Variants in ZNF718 observed in about 807,000 individuals in gnomAD.
ZNF718 encodes zinc finger protein 718.
In ZNF718, 3 loss-of-function variants were observed where a neutral mutation model predicts 2.6. The observed-to-expected ratio is 1.16, with a 90% CI of 0.53 to 3.01. The LOEUF (loss-of-function observed/expected upper bound fraction) is 3.01, where lower values mean the gene tolerates loss of function less well. ZNF718 is among the 30% of genes most tolerant of loss of function. The pLI is 0.03. For synonymous variants in ZNF718, 135 were observed against 77.9 expected (o/e 1.73, Z -3.86); for missense variants, 468 against 230.0 (o/e 2.03, Z -6.69).
At chr4:193,469 T>C (rs992044832) in intron 3 of ZNF718, among the ~76,000 whole-genome samples, 1 of 152,162 alleles carries the variant, frequency 6.6e-6, no homozygotes, top group African/African-American at 2.4e-5. Flanking sequence ...CTTCTCCTAA[T>C]TCTAGTGTAT....
chr4:181,158 C>CTTTTTT lies in ZNF718; in HGVS notation c.227-19901_227-19896dup, dbSNP rs782164295. 2.2e-4 allele frequency among the ~76,000 whole-genome samples: 11 copies of CTTTTTT among 51,086 alleles called. 1 individual carries two copies. Among genetic ancestry groups the CTTTTTT allele is most frequent in the East Asian group, 4.8e-4 (1 of 2,070 alleles). 33.5% of individuals were successfully genotyped at this position (51,086 alleles called of 152,430 possible). A position where few individuals can be genotyped will look rare whatever the true frequency, so the allele number is the denominator to read the frequency against. On this transcript the variant is annotated intron_variant and NMD_transcript_variant, in intron 3 of 4. Coordinates refer to the ZNF718 transcript ENST00000642529. ...TACAGGCCTGTGCCCCAGTGCCCAG[C>CTTTTTT]TTTTTTTTTTTTTTTTTTTTTTTTT...
chr4:163,977 T>C lies in ZNF718; in HGVS notation c.*1855T>C, dbSNP rs868908661. On this transcript the variant is annotated 3_prime_UTR_variant, in exon 4 of 4. Transcript: ENST00000510175. ...TAATCACATCAGAGTAAATGAGTTA[T>C]TCATCACCTCAAGCATTTATCCTTT... The C allele has an allele frequency of 6.6e-6, 1 of 152,120 alleles. No homozygotes were observed. Among genetic ancestry groups the C allele is most frequent in the Non-Finnish European group, 1.5e-5 (1 of 67,976 alleles). The allele number at this position is 152,120 out of a possible 1,614,324, so 9.4% of individuals were successfully genotyped here.
At chr4:154,134 C>G (rs1258487925) in intron 3 of ZNF718, among the ~76,000 whole-genome samples, 2 of 152,194 alleles carry the variant, frequency 1.3e-5, no homozygotes, top group Non-Finnish European at 2.9e-5. Flanking sequence ...TGTCTTGCCT[C>G]CTGCCATATA....
rs1716926723 is a variant in ZNF718 at position 162,270 on chromosome 4, G to A, written c.*148G>A. On this transcript the variant is annotated 3_prime_UTR_variant, in exon 4 of 4. Transcript: ENST00000510175. ...TAAACATAAGAGAAATGGTATTGGT[G>A]AGAAGCCATAAAAATATGAAAAATG... 1 of 502,916 alleles carries A rather than the reference G, an allele frequency of 2.0e-6. No homozygotes were observed. Among genetic ancestry groups the A allele is most frequent in the South Asian group, 4.4e-5 (1 of 22,884 alleles). 31.2% of individuals were successfully genotyped at this position (502,916 alleles called of 1,614,324 possible).
At chr4:189,056 A>ATTTTTTTTTTTTTTTTTTTTTTTGT (rs200846758) in intron 3 of ZNF718, among the ~76,000 whole-genome samples, 1 of 138,994 alleles carries the variant, frequency 7.2e-6, no homozygotes. Flanking sequence ...GAATCTGTAG[A>ATTTTTTTTTTTTTTTTTTTTTTTGT]TTATTTTTTT....
chr4:196,782 C>T (rs1717800330), intron 3 of ZNF718, among the ~76,000 whole-genome samples: 1 of 151,976 alleles, frequency 6.6e-6, no homozygotes. Flanking sequence ...GTTAGAAAGC[C>T]CTTCCCAGGA....
chr4:183,947 T>C (rs1281404752), intron 3 of ZNF718, among the ~76,000 whole-genome samples: 1 of 152,198 alleles, frequency 6.6e-6, no homozygotes, highest in Non-Finnish European at 1.5e-5. Context: ...GATCATGTCA[T>C]CTGCAGAGAA....
intron 3 of ZNF718, among the ~76,000 whole-genome samples, chr4:182,787 A>G (rs1717493884): frequency 6.6e-6 from 1 of 152,092 alleles, no homozygotes. Flanking sequence ...TTGGTTGGCC[A>G]CATGTATGTC....
intron 3 of ZNF718, among the ~76,000 whole-genome samples, chr4:146,745 CTT>C (rs1716083118): frequency 6.6e-6 from 1 of 150,886 alleles, no homozygotes; most frequent in African/African-American, 2.4e-5. Context: ...TAATTAGAAA[CTT>C]TCAAATGACT....
rs1030669896 is a variant in ZNF718 at position 163,877 on chromosome 4, A to G, written c.*1755A>G. The G allele has an allele frequency of 2.6e-5, 4 of 151,896 alleles. No individual in the cohort carries two copies. The highest frequency in any genetic ancestry group is 4.4e-5 in the Non-Finnish European group (3 of 67,952). 9.4% of individuals were successfully genotyped at this position (151,896 alleles called of 1,614,324 possible). A position where few individuals can be genotyped will look rare whatever the true frequency, so the allele number is the denominator to read the frequency against. ...TTTTTATATTTAAATTTATTTTTAA[A>G]AATTTATGTGGGTACATGGTATGTG... On this transcript the variant is annotated 3_prime_UTR_variant, in exon 4 of 4. Coordinates refer to ENST00000510175, the MANE Select transcript of ZNF718 (RefSeq NM_001039127.6).
chr4:149,247 G>T (rs1297738023), intron 3 of ZNF718, among the ~76,000 whole-genome samples: 13 of 152,192 alleles, frequency 8.5e-5, no homozygotes, highest in African/African-American at 3.1e-4. Context: ...TATTGACATG[G>T]CTCATTTTCA....
downstream of ZNF718, among the ~76,000 whole-genome samples, chr4:166,980 T>C (rs1169097808): frequency 6.6e-6 from 1 of 152,198 alleles, no homozygotes; most frequent in Non-Finnish European, 1.5e-5. Context: ...TTTTTATGGT[T>C]TTAGGCTAAC....
At chr4:174,272 C>G (rs543465534) in intron 3 of ZNF718, among the ~76,000 whole-genome samples, 17 of 152,296 alleles carry the variant, frequency 1.1e-4, no homozygotes, top group African/African-American at 3.9e-4. Flanking sequence ...CAGCCACCCT[C>G]TCTGGGAACG....
At chr4:137,409 C>A (rs1425185267) in intron 3 of ZNF718, among the ~76,000 whole-genome samples, 2 of 152,104 alleles carry the variant, frequency 1.3e-5, no homozygotes, top group African/African-American at 4.8e-5. Context: ...AGAATAACTT[C>A]ATTTTTTTTT....
At position 169,618 on chromosome 4, in the gene ZNF718, T is replaced by C. The variant is rs531325252; in HGVS notation, c.227-31463T>C. ...TACCATTATGTAATGACCTTCTTTG[T>C]CTCTTTTGATCTTTGTTAGTTTAAA... On this transcript the variant is annotated intron_variant and NMD_transcript_variant, in intron 3 of 4. Coordinates refer to the ZNF718 transcript ENST00000642529. Among the ~76,000 whole-genome samples, 21 of 152,342 alleles carry C rather than the reference T, an allele frequency of 1.4e-4. 1 individual carries two copies. In the East Asian group the frequency reaches 4.1e-3, roughly 29 times the overall value.
chr4:177,075 AC>A (rs1463874980), intron 3 of ZNF718, among the ~76,000 whole-genome samples: 2 of 152,008 alleles, frequency 1.3e-5, no homozygotes, highest in East Asian at 3.9e-4. Context: ...CTCTGCTGTT[AC>A]CCTTATTTAC....
At chr4:170,095 C>T (rs1304450748) in intron 3 of ZNF718, among the ~76,000 whole-genome samples, 1 of 152,088 alleles carries the variant, frequency 6.6e-6, no homozygotes, top group East Asian at 1.9e-4. Context: ...TTTATTTCTC[C>T]TTCACTTATG....
chr4:193,292 C>T (rs1190872830), intron 3 of ZNF718, among the ~76,000 whole-genome samples: 1 of 152,044 alleles, frequency 6.6e-6, no homozygotes, highest in Non-Finnish European at 1.5e-5. Flanking sequence ...GTTAGATTGC[C>T]ACCTCTTTAG....
chr4:142,004 A>G (rs782540359), intron 3 of ZNF718: 1 of 519,802 alleles, frequency 1.9e-6, no homozygotes, highest in Non-Finnish European at 3.9e-6. Context: ...AAAGCTTTTT[A>G]TGGTTTAAAT....
Sources: gnomAD v4.1 joint callset for allele counts (sites outside exome capture counted in the v4.1 genomes callset) on GRCh38, gnomAD v4.1.1 for gene constraint, MANE v1.5 for transcripts, NCBI Gene and HGNC (gene_info 2026-07-23, HGNC 2026-07-21) for gene names.